Variants in AMZ1 observed in about 807,000 individuals in gnomAD.
AMZ1 encodes archaelysin family metallopeptidase 1.
AMZ1 carries 39 observed loss-of-function variants against 29.9 expected under a neutral mutation model. That is an observed-to-expected ratio of 1.30 (90% CI 1.01 to 1.70). The LOEUF (loss-of-function observed/expected upper bound fraction) is 1.70, where lower values mean the gene tolerates loss of function less well. Ranked by LOEUF, AMZ1 falls within the 40% of genes most tolerant of loss-of-function variation. The pLI is 0.00. For synonymous variants in AMZ1, 458 were observed against 304.0 expected (o/e 1.51, Z -5.27); for missense variants, 1,041 against 680.6 (o/e 1.53, Z -5.89).
rs1791316019 is a variant in AMZ1, at chr7:2,756,717, CCT to C, written n.551-7994_551-7993del. On this transcript the variant is annotated intron_variant and non_coding_transcript_variant, in intron 4 of 4. Coordinates refer to the AMZ1 transcript ENST00000489665. ...AAGATGAGCCTCGATGACAGACGCC[CCT>C]GTCTTTCCCTGGAGTGTGGAAGGGA... 4.6e-5 allele frequency among the ~76,000 whole-genome samples: 7 copies of C among 152,310 alleles called. No homozygotes were observed. The South Asian group carries it at 1.5e-3, about 32-fold the overall frequency.
chr7:2,708,629 G>T lies in AMZ1; in HGVS notation c.514G>T (p.Ala172Ser). Residue 172 changes from alanine (A) to serine (S), a missense_variant, in exon 4 of 7, where the codon GCG (alanine) becomes TCG (serine). Coordinates refer to ENST00000683327, the MANE Select transcript of AMZ1 (RefSeq NM_001384743.1). ...SFLKNNKPGD[A>S]LCVLGLTLSD... is the part of the protein sequence containing the mutation. ...CTTGAAGAACAACAAGCCAGGGGAC[G>T]CGCTGTGTGTGCTGGGCCTCACACT... is the stretch of plus-strand genomic sequence containing the variant. The T allele has an allele frequency of 6.2e-7, 1 of 1,613,102 alleles. No individual in the cohort carries two copies.
intron 4 of AMZ1, among the ~76,000 whole-genome samples, chr7:2,759,182 A>G (rs1791442463): frequency 6.7e-6 from 1 of 149,250 alleles, no homozygotes; most frequent in African/African-American, 2.5e-5. Context: ...TAAATAAATA[A>G]ATAAATAAAA....
intron 4 of AMZ1, among the ~76,000 whole-genome samples, chr7:2,743,061 G>A (rs1370326449): frequency 2.0e-5 from 3 of 152,170 alleles, no homozygotes; most frequent in Non-Finnish European, 4.4e-5. Context: ...GGACAGAGCT[G>A]GGGCAACCAG....
Position 2,715,849 on chromosome 7 carries a change from G to C in AMZ1, c.*2971G>C, listed in dbSNP as rs994975739. 1 of 152,230 alleles carries C rather than the reference G, an allele frequency of 6.6e-6. No individual in the cohort carries two copies. Among genetic ancestry groups the C allele is most frequent in the African/African-American group, 2.4e-5 (1 of 41,452 alleles). The allele number at this position is 152,230 out of a possible 1,614,324, so 9.4% of individuals were successfully genotyped here. A position where few individuals can be genotyped will look rare whatever the true frequency, so the allele number is the denominator to read the frequency against. ...CTCACGAATCTTTCTAAACTTAAGT[G>C]CTGCAGAAGTTGAACTGAGATTAAA... On this transcript the variant is annotated 3_prime_UTR_variant, in exon 7 of 7. Transcript: ENST00000683327.
chr7:2,758,652 A>G (rs990817937), intron 4 of AMZ1, among the ~76,000 whole-genome samples: 1 of 152,202 alleles, frequency 6.6e-6, no homozygotes, highest in African/African-American at 2.4e-5. Flanking sequence ...GGGGGCCCCC[A>G]CAGCACACTT....
At chr7:2,722,274 ATT>A (rs57939882), downstream of AMZ1, among the ~76,000 whole-genome samples, 69 of 145,354 alleles carry the variant, frequency 4.7e-4, no homozygotes, top group East Asian at 4.1e-4. Context: ...GGCATTTCGA[ATT>A]TTTTTTTTTT....
rs192243625 is a variant in AMZ1, at chr7:2,700,378, C to A, written c.-74C>A. ...GCCCGAGGGAAGATTCTGGACGAGA[C>A]CGTGGCCGTCCCCCGGGTGGCCCAT... On this transcript the variant is annotated 5_prime_UTR_variant, in exon 2 of 7. Coordinates refer to ENST00000683327, the MANE Select transcript of AMZ1 (RefSeq NM_001384743.1). 1.3e-6 allele frequency: 2 copies of A among 1,520,076 alleles called. No individual in the cohort carries two copies. Among genetic ancestry groups the A allele is most frequent in the Non-Finnish European group, 1.8e-6 (2 of 1,132,788 alleles). 94.2% of individuals were successfully genotyped at this position (1,520,076 alleles called of 1,614,324 possible).
Position 2,709,707 on chromosome 7 carries a change from A to G in AMZ1, c.839A>G (p.Gln280Arg). The G allele has an allele frequency of 1.2e-6, 2 of 1,611,158 alleles. No individual in the cohort carries two copies. Among genetic ancestry groups the G allele is most frequent in the South Asian group, 1.1e-5 (1 of 90,992 alleles). The change falls in exon 6 of 7, where the codon CAG (glutamine) becomes CGG (arginine). Residue 280 changes from glutamine (Q) to arginine (R), a missense_variant. Gln to Arg is a conservative substitution (Grantham distance 43, BLOSUM62 1). Transcript: ENST00000683327. ...GNCRWLRCLM[Q>R]GALSLDEALR... ...TGCCGCTGGCTCCGCTGCCTCATGC[A>G]GGGTGCGCTCAGCCTGGACGAGGCC...
At position 2,708,813 on chromosome 7, in the gene AMZ1, C is replaced by A. The variant is rs544409344; in HGVS notation, c.601+97C>A. The A allele has an allele frequency of 4.5e-6, 7 of 1,569,962 alleles. No individual in the cohort carries two copies. In the Admixed American group the frequency reaches 1.0e-4, roughly 23 times the overall value. ...GCACCCTCTTTGCTTTTGCTTCAAG[C>A]ACCCTCCTGGTGGAAGTCAACACCT... On this transcript the variant is annotated intron_variant, in intron 4 of 6. Coordinates refer to ENST00000683327, the MANE Select transcript of AMZ1 (RefSeq NM_001384743.1).
intron 4 of AMZ1, among the ~76,000 whole-genome samples, chr7:2,745,624 T>G (rs983672080): frequency 6.6e-6 from 1 of 152,254 alleles, no homozygotes; most frequent in South Asian, 2.1e-4. Flanking sequence ...ACGAGCAAAA[T>G]AGCCAGCTGA....
At chr7:2,706,224 C>T (rs943724522) in intron 3 of AMZ1, among the ~76,000 whole-genome samples, 1 of 152,168 alleles carries the variant, frequency 6.6e-6, no homozygotes, top group Non-Finnish European at 1.5e-5. Flanking sequence ...GACCCAGGCT[C>T]AAGCGCAGTG....
chr7:2,705,906 C>T (rs754647558), intron 3 of AMZ1, among the ~76,000 whole-genome samples: 1 of 152,262 alleles, frequency 6.6e-6, no homozygotes, highest in Admixed American at 6.5e-5. Context: ...ACCTCCCCCA[C>T]GCCGTACACG....
rs1360105089 is a variant in AMZ1, at chr7:2,713,741, G to A, written c.*863G>A. The A allele has an allele frequency of 6.6e-6, 1 of 152,518 alleles. No homozygotes were observed. The highest frequency in any genetic ancestry group is 1.9e-4 in the East Asian group (1 of 5,336). 9.4% of individuals were successfully genotyped at this position (152,518 alleles called of 1,614,324 possible). ...ATCTCTTCTGACAAACACTGCAGGAGGTGAGGGTGTCTGACGTGCACTGAG... is the reference window on the plus strand; with the variant it reads ...ATCTCTTCTGACAAACACTGCAGGAAGTGAGGGTGTCTGACGTGCACTGAG... On this transcript the variant is annotated 3_prime_UTR_variant, in exon 7 of 7. Transcript: ENST00000683327.
intron 3 of AMZ1, among the ~76,000 whole-genome samples, chr7:2,703,481 C>T (rs565390108): frequency 2.0e-5 from 3 of 149,006 alleles, no homozygotes; most frequent in South Asian, 4.2e-4. Context: ...TGGCTCCAAC[C>T]TTCCGTCTTT....
At chr7:2,697,585 G>A (rs1411603035) in intron 1 of AMZ1, among the ~76,000 whole-genome samples, 1 of 151,764 alleles carries the variant, frequency 6.6e-6, no homozygotes, top group Non-Finnish European at 1.5e-5. Flanking sequence ...CACCATGCCC[G>A]GCTAATTTTT....
At chr7:2,722,473 G>A (rs761501557), downstream of AMZ1, among the ~76,000 whole-genome samples, 3 of 152,070 alleles carry the variant, frequency 2.0e-5, no homozygotes, top group Non-Finnish European at 4.4e-5. Context: ...GGGTTTCACC[G>A]TGTTAGCCAG....
At chr7:2,707,137 A>G (rs1788399965) in intron 3 of AMZ1, among the ~76,000 whole-genome samples, 2 of 152,022 alleles carry the variant, frequency 1.3e-5, no homozygotes, top group Non-Finnish European at 2.9e-5. Flanking sequence ...GCTGGGTGTG[A>G]TGGCACGTGC....
rs1348465147 is a variant in AMZ1 at position 2,714,960 on chromosome 7, T to G, written c.*2082T>G. On this transcript the variant is annotated 3_prime_UTR_variant, in exon 7 of 7. Coordinates refer to ENST00000683327, the MANE Select transcript of AMZ1 (RefSeq NM_001384743.1). ...CTCAGATGTAGCATTAGGACCTTCA[T>G]CCATACCCTTCTCTTTTGCATGGCT... The G allele has an allele frequency of 6.6e-6, 1 of 152,232 alleles. No homozygotes were observed. The highest frequency in any genetic ancestry group is 1.5e-5 in the Non-Finnish European group (1 of 68,006). 9.4% of individuals were successfully genotyped at this position (152,232 alleles called of 1,614,324 possible).
At chr7:2,686,633 T>C (rs1787087221), upstream of AMZ1, among the ~76,000 whole-genome samples, 1 of 152,132 alleles carries the variant, frequency 6.6e-6, no homozygotes, top group African/African-American at 2.4e-5. Flanking sequence ...ACAGTTGGCT[T>C]ATGGGGTCTT....
Sources: allele counts gnomAD v4.1 joint callset (sites outside exome capture counted in the v4.1 genomes callset), GRCh38; gene constraint gnomAD v4.1.1; transcripts MANE v1.5; gene names NCBI Gene and HGNC (gene_info 2026-07-23, HGNC 2026-07-21).